Variants in FUT8 observed in about 807,000 individuals in gnomAD.
FUT8 encodes fucosyltransferase 8, also known as alpha-(1,6)-fucosyltransferase.
Under a neutral mutation model 71.3 loss-of-function variants are expected in FUT8, and 29 were observed. The ratio of observed to expected loss-of-function variants is 0.41; its 90% CI spans 0.30 to 0.55. FUT8 has a LOEUF of 0.55. Ranked by LOEUF, FUT8 falls within the 20% of genes least tolerant of loss-of-function variation. The pLI, the probability that FUT8 is intolerant of heterozygous loss-of-function variation, is 0.34. For synonymous variants in FUT8, 254 were observed against 239.3 expected, an observed-to-expected ratio of 1.06 and a Z score of -0.57; for missense variants, 544 against 702.1, an observed-to-expected ratio of 0.77 and a Z score of 2.55.
intron 2 of FUT8, among the ~76,000 whole-genome samples, chr14:65,534,903 T>TTG (rs1341521957): frequency 6.6e-6 from 1 of 151,776 alleles, no homozygotes; most frequent in Admixed American, 6.6e-5. Flanking sequence ...GGATGATTTT[T>TTG]TGTGTGTGTG....
At chr14:65,378,853 T>G in the FUT8 span, among the ~76,000 whole-genome samples, 1 of 139,230 alleles carries the variant, frequency 7.2e-6, no homozygotes, top group Non-Finnish European at 1.6e-5. Context: ...TTTTTTTTTT[T>G]TTTTTTTTTT....
At chr14:65,449,005 AGGAG>A (rs1465206896) in intron 1 of FUT8, among the ~76,000 whole-genome samples, 13 of 152,240 alleles carry the variant, frequency 8.5e-5, no homozygotes, top group Non-Finnish European at 1.3e-4. Context: ...TGGTTTGAGA[AGGAG>A]GGAGAAAACA....
intron 7 of FUT8, among the ~76,000 whole-genome samples, chr14:65,714,074 A>G (rs999256073): frequency 6.6e-6 from 1 of 152,194 alleles, no homozygotes; most frequent in African/African-American, 2.4e-5. Flanking sequence ...GCCTAGTTTC[A>G]TTCCTGAGCA....
At chr14:65,525,819 A>G (rs1883426514) in intron 2 of FUT8, among the ~76,000 whole-genome samples, 1 of 152,156 alleles carries the variant, frequency 6.6e-6, no homozygotes, top group Non-Finnish European at 1.5e-5. Flanking sequence ...TTCGTTACGT[A>G]CCCAGTAGTC....
chr14:65,374,751 C>T, the FUT8 span, among the ~76,000 whole-genome samples: 18 of 143,824 alleles, frequency 1.3e-4, no homozygotes, highest in Admixed American at 4.3e-4. Flanking sequence ...TGTGCCACCA[C>T]GCCTGGCTAA....
At chr14:65,399,836 T>C in the FUT8 span, among the ~76,000 whole-genome samples, 5 of 152,234 alleles carry the variant, frequency 3.3e-5, no homozygotes, top group African/African-American at 1.2e-4. Flanking sequence ...TAAAACTTCA[T>C]TGGAAACCAT....
chr14:65,528,821 G>A (rs956113786), intron 2 of FUT8: 6 of 152,050 alleles, frequency 3.9e-5, no homozygotes, highest in Non-Finnish European at 7.4e-5. Context: ...GTAAATCTTT[G>A]AATTTAATTT....
intron 2 of FUT8, among the ~76,000 whole-genome samples, chr14:65,536,157 A>G (rs58170348): frequency 0.072 from 10,974 of 151,904 alleles, 736 homozygotes; most frequent in South Asian, 0.2. Flanking sequence ...TGCACGTGAG[A>G]TGTGTCTCTT....
chr14:65,456,500 A>G (rs1030286077), intron 2 of FUT8, among the ~76,000 whole-genome samples: 2 of 152,032 alleles, frequency 1.3e-5, no homozygotes, highest in Non-Finnish European at 2.9e-5. Flanking sequence ...ATACCTGTTT[A>G]TGGATATTTA....
intron 2 of FUT8, among the ~76,000 whole-genome samples, chr14:65,501,733 G>T (rs1184638767): frequency 6.6e-6 from 1 of 152,162 alleles, no homozygotes; most frequent in Non-Finnish European, 1.5e-5. Context: ...TCTGGTCAAA[G>T]GAGGCCATAG....
rs1186191667 is a variant in FUT8, at chr14:65,427,959, C to T, written c.-326+14745C>T. Among the ~76,000 whole-genome samples the T allele has an allele frequency of 3.9e-5, 6 of 152,062 alleles. No individual in the cohort carries two copies. The East Asian group carries it at 1.2e-3, about 29-fold the overall frequency. On this transcript the variant is annotated intron_variant, in intron 1 of 10. Coordinates refer to ENST00000673929, the MANE Select transcript of FUT8 (RefSeq NM_001371533.1). Reference sequence around the variant, plus strand: ...GTAGTCTTTTGTGTACTCCTCCTTTCATTTAGCATGATTCTGTTTAGTAAT... The same window carrying T: ...GTAGTCTTTTGTGTACTCCTCCTTTTATTTAGCATGATTCTGTTTAGTAAT...
chr14:65,566,979 G>T (rs573587308), intron 3 of FUT8, among the ~76,000 whole-genome samples: 25 of 152,058 alleles, frequency 1.6e-4, no homozygotes, highest in African/African-American at 5.1e-4. Flanking sequence ...TTGTTGGTTT[G>T]TGCAGAAATC....
At chr14:65,430,398 T>C (rs1315535602) in intron 1 of FUT8, 2 of 152,202 alleles carry the variant, frequency 1.3e-5, no homozygotes, top group Non-Finnish European at 2.9e-5. Flanking sequence ...TTAATACATA[T>C]AAAATACTGA....
chr14:65,519,368 A>G (rs1882933086), intron 2 of FUT8, among the ~76,000 whole-genome samples: 1 of 152,238 alleles, frequency 6.6e-6, no homozygotes, highest in Non-Finnish European at 1.5e-5. Flanking sequence ...TGAATTAAAC[A>G]AAGTAAGCTG....
chr14:65,573,348 T>C (rs1886588798), intron 3 of FUT8, among the ~76,000 whole-genome samples: 1 of 152,070 alleles, frequency 6.6e-6, no homozygotes, highest in Non-Finnish European at 1.5e-5. Flanking sequence ...TATATTCATA[T>C]ATAATACCAA....
chr14:65,590,061 A>G (rs1183803717), intron 3 of FUT8, among the ~76,000 whole-genome samples: 1 of 152,202 alleles, frequency 6.6e-6, no homozygotes, highest in Non-Finnish European at 1.5e-5. Context: ...AAACAGAAAG[A>G]TACGACATAC....
At chr14:65,596,480 G>C (rs545015897) in intron 3 of FUT8, among the ~76,000 whole-genome samples, 4 of 152,044 alleles carry the variant, frequency 2.6e-5, no homozygotes, top group African/African-American at 7.2e-5. Flanking sequence ...TTCTGTAGGA[G>C]GACTGTCTTC....
chr14:65,706,449 T>C (rs1181462039), intron 7 of FUT8, among the ~76,000 whole-genome samples: 1 of 152,152 alleles, frequency 6.6e-6, no homozygotes, highest in African/African-American at 2.4e-5. Context: ...CTGTCCTTAG[T>C]AAAGAGAATG....
intron 1 of FUT8, among the ~76,000 whole-genome samples, chr14:65,422,353 C>T (rs1406899706): frequency 1.3e-5 from 2 of 152,190 alleles, no homozygotes; most frequent in African/African-American, 4.8e-5. Context: ...TTTCACCAAA[C>T]AGTAGAGTTA....
Sources: gnomAD v4.1 joint callset for allele counts (sites outside exome capture counted in the v4.1 genomes callset) on GRCh38, gnomAD v4.1.1 for gene constraint, MANE v1.5 for transcripts, NCBI Gene and HGNC (gene_info 2026-07-23, HGNC 2026-07-21) for gene names.